The following SEPTIN14 variants were observed in gnomAD, a reference collection of about 807,000 sequenced individuals.
The protein encoded by SEPTIN14 is septin-14.
Under a neutral mutation model 53.6 loss-of-function variants are expected in SEPTIN14, and 40 were observed. That is an observed-to-expected ratio of 0.75 (90% CI 0.58 to 0.97). The LOEUF is 0.97. Among genes scored for constraint, SEPTIN14 ranks in the 50% least tolerant of loss-of-function variants. The pLI is 0.00. For synonymous variants in SEPTIN14, 138 were observed against 166.8 expected, an observed-to-expected ratio of 0.83 and a Z score of 1.33; for missense variants, 471 against 508.2, an observed-to-expected ratio of 0.93 and a Z score of 0.70.
chr7:55,860,482 CTATAGTT>C (rs1415240344), intron 2 of SEPTIN14, among the ~76,000 whole-genome samples: 1 of 151,862 alleles, frequency 6.6e-6, no homozygotes, highest in African/African-American at 2.4e-5. Context: ...AGTAGGGAGA[CTATAGTT>C]TATAACAATG....
intron 3 of SEPTIN14, among the ~76,000 whole-genome samples, chr7:55,845,188 AAAG>A (rs957384972): frequency 2.9e-4 from 44 of 152,308 alleles, no homozygotes; most frequent in Admixed American, 2.8e-3. Context: ...CAGCCATAAA[AAAG>A]AAGGAGATCA....
chr7:55,836,653 G>T (rs939196890), intron 5 of SEPTIN14, among the ~76,000 whole-genome samples: 1 of 152,064 alleles, frequency 6.6e-6, no homozygotes, highest in Non-Finnish European at 1.5e-5. Context: ...CAGGAGAATC[G>T]CTTGAACCCA....
At chr7:55,808,190 A>T (rs1788640625) in intron 7 of SEPTIN14, among the ~76,000 whole-genome samples, 1 of 152,226 alleles carries the variant, frequency 6.6e-6, no homozygotes, top group African/African-American at 2.4e-5. Context: ...TTCATCCAAC[A>T]GCAAAGTAAT....
At chr7:55,802,853 A>G (rs1202144159) in intron 9 of SEPTIN14, among the ~76,000 whole-genome samples, 1 of 152,196 alleles carries the variant, frequency 6.6e-6, no homozygotes, top group Non-Finnish European at 1.5e-5. Context: ...TGTACATCTG[A>G]TAAGGGGTTA....
At chr7:55,837,842 C>T (rs1438235942) in intron 5 of SEPTIN14, among the ~76,000 whole-genome samples, 2 of 152,190 alleles carry the variant, frequency 1.3e-5, no homozygotes, top group Non-Finnish European at 2.9e-5. Context: ...CTCGGCCTCC[C>T]AGAGTGCCGG....
chr7:55,861,826 A>G lies in SEPTIN14; in HGVS notation c.54+117T>C. On this transcript the variant is annotated intron_variant, in intron 2 of 9. Transcript: ENST00000388975. ...TATAAAAGCTAATTCATGCCCAAAC[A>G]TAACAAACAAGACTTTATCTTCTAT... is the stretch of plus-strand genomic sequence containing the variant. The G allele has an allele frequency of 3.3e-6, 2 of 602,134 alleles. 1 individual carries two copies. The highest frequency in any genetic ancestry group is 5.8e-5 in the South Asian group (2 of 34,650). 37.3% of individuals were successfully genotyped at this position (602,134 alleles called of 1,614,324 possible). A position where few individuals can be genotyped will look rare whatever the true frequency, so the allele number is the denominator to read the frequency against.
chr7:55,844,592 C>T lies in SEPTIN14; in HGVS notation c.302G>A (p.Ser101Asn), dbSNP rs1789368817. ...LQIQTYELQE[S>N]NVQLKLTVVE... The stretch of plus-strand genomic sequence containing the variant: ...AACAGTCAATTTCAACTGAACATTG[C>T]TTTCCTGAAGTTCATATGTCTGAAT... The change falls in exon 4 of 10, where the codon AGC (serine) becomes AAC (asparagine). Residue 101 changes from serine to asparagine, a missense_variant. Ser to Asn is a conservative substitution (Grantham distance 46). Coordinates refer to ENST00000388975, the MANE Select transcript of SEPTIN14 (RefSeq NM_207366.3). 2 of 1,609,740 alleles carry T rather than the reference C, an allele frequency of 1.2e-6. No homozygotes were observed. Among genetic ancestry groups the T allele is most frequent in the Non-Finnish European group, 8.5e-7 (1 of 1,177,084 alleles).
chr7:55,818,472 CAAAAA>C (rs61089405), intron 7 of SEPTIN14, among the ~76,000 whole-genome samples: 1 of 86,300 alleles, frequency 1.2e-5, no homozygotes, highest in African/African-American at 4.5e-5. Context: ...AACTCTGTCT[CAAAAA>C]AAAAAAAAAA....
intron 2 of SEPTIN14, among the ~76,000 whole-genome samples, chr7:55,860,693 C>T (rs1789728815): frequency 6.6e-6 from 1 of 151,986 alleles, no homozygotes; most frequent in Non-Finnish European, 1.5e-5. Flanking sequence ...TTTTAAAAAA[C>T]AGAGGGGTCC....
chr7:55,800,952 T>C (rs948639225), intron 9 of SEPTIN14, among the ~76,000 whole-genome samples: 4 of 152,136 alleles, frequency 2.6e-5, no homozygotes, highest in Non-Finnish European at 1.5e-5. Flanking sequence ...CCCATAAATA[T>C]GTATACCTAC....
At chr7:55,835,774 G>A (rs1789195192) in intron 5 of SEPTIN14, among the ~76,000 whole-genome samples, 2 of 151,970 alleles carry the variant, frequency 1.3e-5, no homozygotes, top group African/African-American at 2.4e-5. Context: ...GCGGAATCTT[G>A]CTCTGTCGCC....
chr7:55,853,952 T>A (rs1789562369), intron 2 of SEPTIN14, among the ~76,000 whole-genome samples: 1 of 151,914 alleles, frequency 6.6e-6, no homozygotes, highest in Admixed American at 6.6e-5. Context: ...CTGTCTCTAC[T>A]GAAAATAAAA....
intron 5 of SEPTIN14, among the ~76,000 whole-genome samples, chr7:55,838,271 C>T (rs1789244308): frequency 2.0e-5 from 3 of 152,158 alleles, no homozygotes; most frequent in Non-Finnish European, 2.9e-5. Flanking sequence ...CAAGCAGTAG[C>T]TGCCTGCAGG....
intron 7 of SEPTIN14, among the ~76,000 whole-genome samples, chr7:55,818,062 T>C (rs1325574610): frequency 1.3e-5 from 2 of 152,226 alleles, no homozygotes; most frequent in African/African-American, 4.8e-5. Context: ...ACATATAGTA[T>C]AGATATATAT....
At chr7:55,855,197 G>C (rs576063686) in intron 2 of SEPTIN14, among the ~76,000 whole-genome samples, 1 of 151,830 alleles carries the variant, frequency 6.6e-6, no homozygotes, top group Non-Finnish European at 1.5e-5. Context: ...TTTAGTAGAG[G>C]TGGGGTTTCA....
intron 5 of SEPTIN14, among the ~76,000 whole-genome samples, chr7:55,838,189 T>C (rs767491105): frequency 3.3e-4 from 51 of 152,296 alleles, no homozygotes; most frequent in African/African-American, 1.1e-3. Context: ...AGCAGCCTAT[T>C]GAAAGGAAGT....
chr7:55,817,544 A>T (rs2115989193), intron 7 of SEPTIN14, among the ~76,000 whole-genome samples: 1 of 150,700 alleles, frequency 6.6e-6, no homozygotes, highest in African/African-American at 2.4e-5. Flanking sequence ...ATCTCAGCTC[A>T]CTGCAAGCTC....
intron 5 of SEPTIN14, among the ~76,000 whole-genome samples, chr7:55,836,534 T>C (rs1016234610): frequency 1.4e-4 from 21 of 151,370 alleles, no homozygotes; most frequent in African/African-American, 5.1e-4. Context: ...GGGCCAGGAG[T>C]TCAAGACCAG....
intron 4 of SEPTIN14, among the ~76,000 whole-genome samples, chr7:55,843,954 G>A (rs2116052558): frequency 6.6e-6 from 1 of 152,238 alleles, no homozygotes; most frequent in South Asian, 2.1e-4. Flanking sequence ...GGGCAACATA[G>A]CAAGACCCCA....
Sources: allele counts gnomAD v4.1 joint callset (sites outside exome capture counted in the v4.1 genomes callset), GRCh38; gene constraint gnomAD v4.1.1; transcripts MANE v1.5; gene names NCBI Gene and HGNC (gene_info 2026-07-23, HGNC 2026-07-21).